SSH2: variants seen among roughly 807,000 people sequenced by gnomAD.
The protein encoded by SSH2 is protein phosphatase Slingshot homolog 2.
A neutral mutation model predicts 135.2 loss-of-function variants in SSH2; 37 were observed. The ratio of observed to expected loss-of-function variants is 0.27; its 90% CI spans 0.21 to 0.36. SSH2 has a LOEUF of 0.36. SSH2 is among the 10% of genes least tolerant of loss of function. SSH2 has a pLI of 1.00. For synonymous variants in SSH2, 628 were observed against 646.2 expected, an observed-to-expected ratio of 0.97 and a Z score of 0.43; for missense variants, 1,408 against 1,765.3, an observed-to-expected ratio of 0.80 and a Z score of 3.63.
intron 2 of SSH2, among the ~76,000 whole-genome samples, chr17:29,813,325 G>C (rs995641367): frequency 2.0e-5 from 3 of 151,874 alleles, no homozygotes; most frequent in African/African-American, 7.3e-5. Context: ...GGAGGTTGCA[G>C]TGAGTTGAGG....
At chr17:29,807,062 T>C (rs1309105166) in intron 2 of SSH2, among the ~76,000 whole-genome samples, 1 of 152,158 alleles carries the variant, frequency 6.6e-6, no homozygotes, top group Admixed American at 6.5e-5. Context: ...TAATTGTTCA[T>C]GGATATAAAG....
rs576367035 is a variant in SSH2, at chr17:29,751,553, A to G, written c.188+42341T>C. Reference sequence around the variant, plus strand: ...TGTACTGTACATAACTGTATGCACTATATTTTTATACAACAATGCAGGTTT... The same window carrying G: ...TGTACTGTACATAACTGTATGCACTGTATTTTTATACAACAATGCAGGTTT... On this transcript the variant is annotated intron_variant, in intron 3 of 15. Transcript: ENST00000540801. Among the ~76,000 whole-genome samples the G allele has an allele frequency of 2.8e-4, 43 of 152,358 alleles. No individual in the cohort carries two copies. The South Asian group carries it at 5.0e-3, about 18-fold the overall frequency.
intron 3 of SSH2, among the ~76,000 whole-genome samples, chr17:29,725,156 G>C (rs1394039551): frequency 2.0e-5 from 3 of 151,082 alleles, no homozygotes; most frequent in Non-Finnish European, 4.4e-5. Context: ...GACCATTCTG[G>C]CTAACATGGT....
intron 5 of SSH2, among the ~76,000 whole-genome samples, chr17:29,693,563 C>T (rs1348884267): frequency 2.0e-5 from 3 of 151,652 alleles, no homozygotes; most frequent in East Asian, 1.9e-4. Flanking sequence ...CTGCCCACCT[C>T]GGCCTCCCAA....
chr17:29,715,013 C>T (rs1294380083), intron 3 of SSH2, among the ~76,000 whole-genome samples: 2 of 151,972 alleles, frequency 1.3e-5, no homozygotes, highest in African/African-American at 4.8e-5. Context: ...ATTACAGGCA[C>T]GCACCACTGC....
At chr17:29,743,146 G>A (rs943253170) in intron 3 of SSH2, among the ~76,000 whole-genome samples, 3 of 151,956 alleles carry the variant, frequency 2.0e-5, no homozygotes, top group African/African-American at 7.3e-5. Flanking sequence ...TGGCCAAGAT[G>A]GTCTTGAACT....
At chr17:29,885,878 T>A (rs1429269313) in intron 1 of SSH2, among the ~76,000 whole-genome samples, 2 of 152,174 alleles carry the variant, frequency 1.3e-5, no homozygotes, top group Non-Finnish European at 2.9e-5. Context: ...TCTTCCACCA[T>A]GATTGTGAGG....
At chr17:29,663,342 C>A (rs1423530370) in intron 11 of SSH2, among the ~76,000 whole-genome samples, 1 of 152,248 alleles carries the variant, frequency 6.6e-6, no homozygotes, top group Non-Finnish European at 1.5e-5. Context: ...AACACCACCA[C>A]TTGCAGCTAG....
chr17:29,685,371 C>G (rs1223018019), intron 5 of SSH2, among the ~76,000 whole-genome samples: 5 of 152,074 alleles, frequency 3.3e-5, no homozygotes, highest in Non-Finnish European at 7.4e-5. Flanking sequence ...GTGACTTTTT[C>G]TTAAGTACCT....
chr17:29,683,100 T>A (rs2038052160), intron 6 of SSH2, among the ~76,000 whole-genome samples: 1 of 152,160 alleles, frequency 6.6e-6, no homozygotes, highest in Admixed American at 6.6e-5. Context: ...CCCAGGCTCC[T>A]CCTCTCTTTG....
intron 14 of SSH2, among the ~76,000 whole-genome samples, chr17:29,644,466 T>C (rs1274641182): frequency 6.6e-6 from 1 of 152,158 alleles, no homozygotes; most frequent in Non-Finnish European, 1.5e-5. Flanking sequence ...CTGATACAAG[T>C]CCCTTGATTC....
At chr17:29,839,242 T>TAC (rs2042998751) in intron 2 of SSH2, 1 of 152,428 alleles carries the variant, frequency 6.6e-6, no homozygotes, top group Non-Finnish European at 1.5e-5. Context: ...GACCCTTGCT[T>TAC]ACACACCCCT....
At chr17:29,841,346 T>A (rs2043037970) in intron 2 of SSH2, among the ~76,000 whole-genome samples, 1 of 152,218 alleles carries the variant, frequency 6.6e-6, no homozygotes, top group Non-Finnish European at 1.5e-5. Flanking sequence ...CTTTAATTAT[T>A]TTTTCTTTAC....
intron 8 of SSH2, among the ~76,000 whole-genome samples, chr17:29,672,709 A>AT (rs2037542864): frequency 6.6e-6 from 1 of 152,028 alleles, no homozygotes; most frequent in Non-Finnish European, 1.5e-5. Flanking sequence ...AGATCTGGTT[A>AT]TTCTTTTTTG....
Position 29,626,774 on chromosome 17 carries a change from T to C in SSH2, c.*4067A>G, listed in dbSNP as rs1366930221. On this transcript the variant is annotated 3_prime_UTR_variant, in exon 16 of 16. Coordinates refer to ENST00000540801, the MANE Select transcript of SSH2 (RefSeq NM_001282129.2). Reference sequence around the variant, plus strand: ...TTTCCTAATATGGGTGTCAGAGGAGTTGAGGCAGCAAATATGCTTGTGTCT... The same window carrying C: ...TTTCCTAATATGGGTGTCAGAGGAGCTGAGGCAGCAAATATGCTTGTGTCT... 9.8e-5 allele frequency: 15 copies of C among 152,362 alleles called. No individual in the cohort carries two copies. The highest frequency in any genetic ancestry group is 1.6e-4 in the Non-Finnish European group (11 of 67,992). The allele number at this position is 152,362 out of a possible 1,614,324, so 9.4% of individuals were successfully genotyped here. A position where few individuals can be genotyped will look rare whatever the true frequency, so the allele number is the denominator to read the frequency against.
chr17:29,868,465 C>A (rs780427202), intron 1 of SSH2, among the ~76,000 whole-genome samples: 1 of 152,114 alleles, frequency 6.6e-6, no homozygotes. Context: ...CGGCTGGGTG[C>A]GGTGTCTCAT....
intron 15 of SSH2, among the ~76,000 whole-genome samples, chr17:29,635,189 A>G (rs1056520289): frequency 6.6e-6 from 1 of 152,106 alleles, no homozygotes; most frequent in African/African-American, 2.4e-5. Flanking sequence ...GGCGTGAGCC[A>G]CCGCGCCCGG....
chr17:29,632,117 T>G lies in SSH2; in HGVS notation c.3077A>C (p.Gln1026Pro), dbSNP rs760449175. The G allele has an allele frequency of 6.2e-7, 1 of 1,614,154 alleles. No individual in the cohort carries two copies. The highest frequency in any genetic ancestry group is 8.5e-7 in the Non-Finnish European group (1 of 1,180,012). The change falls in exon 16 of 16, where the codon CAA (glutamine) becomes CCA (proline). Residue 1026 changes from glutamine (Q) to proline (P), a missense_variant. Transcript: ENST00000540801. ...TVIPYQESET[Q>P]AVPLPLPKRV... is the part of the protein sequence containing the mutation. ...CTTGGGAAGGGGAAGAGGGACTGCT[T>G]GTGTTTCAGACTCCTGGTATGGAAT...
intron 11 of SSH2, among the ~76,000 whole-genome samples, chr17:29,660,290 T>C (rs2036976314): frequency 2.0e-5 from 3 of 151,140 alleles, no homozygotes; most frequent in South Asian, 4.2e-4. Flanking sequence ...TTTTTTAGAT[T>C]GCAGTCTCGC....
Sources: allele counts gnomAD v4.1 joint callset (sites outside exome capture counted in the v4.1 genomes callset), GRCh38; gene constraint gnomAD v4.1.1; transcripts MANE v1.5; gene names NCBI Gene and HGNC (gene_info 2026-07-23, HGNC 2026-07-21).